Variants in SIGLECL1 observed in about 807,000 individuals in gnomAD.
SIGLECL1 encodes the protein SIGLEC family like 1.
In SIGLECL1, 16 loss-of-function variants were observed where a neutral mutation model predicts 19.1. That is an observed-to-expected ratio of 0.84 (90% CI 0.57 to 1.27). The LOEUF is 1.27. SIGLECL1 is among the 50% of genes most tolerant of loss of function. The pLI is 0.00. For missense variants in SIGLECL1, 210 were observed against 239.4 expected (o/e 0.88, Z 0.81); for synonymous variants, 89 against 90.4 (o/e 0.98, Z 0.09).
At chr19:51,263,269 T>C (rs1459174919) in intron 1 of SIGLECL1, among the ~76,000 whole-genome samples, 2 of 152,220 alleles carry the variant, frequency 1.3e-5, no homozygotes, top group Non-Finnish European at 2.9e-5. Context: ...GGGAACATTG[T>C]GCCATGCTAT....
At chr19:51,254,273 T>G (rs569953206) in intron 1 of SIGLECL1, among the ~76,000 whole-genome samples, 74 of 150,790 alleles carry the variant, frequency 4.9e-4, no homozygotes, top group African/African-American at 1.7e-3. Flanking sequence ...AGGCTGTAGA[T>G]AGCTGTGATT....
intron 4 of SIGLECL1, 91 bp downstream of exon 4, chr19:51,265,973 C>T (rs1324005912): frequency 3.1e-6 from 4 of 1,306,644 alleles, no homozygotes; most frequent in Non-Finnish European, 4.4e-6. Context: ...GACAGGACCC[C>T]TCCCCTCAAG....
At chr19:51,255,917 AG>A (rs1265905122) in intron 1 of SIGLECL1, 5 of 152,220 alleles carry the variant, frequency 3.3e-5, no homozygotes, top group Non-Finnish European at 7.3e-5. Context: ...CATATGATTC[AG>A]GAATCCCACT....
At position 51,263,836 on chromosome 19, in the gene SIGLECL1, G is replaced by A. The variant is rs975237406; in HGVS notation, c.-190-47G>A. The A allele has an allele frequency of 6.3e-5, 29 of 457,420 alleles. No homozygotes were observed. In the East Asian group the frequency reaches 7.7e-4, roughly 12 times the overall value. The allele number at this position is 457,420 out of a possible 1,614,324, so 28.3% of individuals were successfully genotyped here. On this transcript the variant is annotated intron_variant, in intron 1 of 5. Transcript: ENST00000601727. The stretch of plus-strand genomic sequence containing the variant: ...GACAATCTTAGTTGCCTCCCTGTCC[G>A]TACGTGCTCATGAGCCTCTCATCCC...
Position 51,265,855 on chromosome 19 carries a change from T to G in SIGLECL1, c.383T>G (p.Leu128Arg). Reference protein sequence around the residue: ...GAIYAGIVIALLFLCLLPLIV... With the variant: ...GAIYAGIVIARLFLCLLPLIV... ...ATCTATGCGGGAATTGTAATTGCGC[T>G]GCTCTTCCTCTGCCTCCTCCCTCTC... Residue 128 changes from leucine (L) to arginine (R), a missense_variant, in exon 4 of 6, where the codon CTG becomes CGG. By Grantham distance (102) the Leu-to-Arg change is moderately radical (BLOSUM62 -2). Transcript: ENST00000601727. 1 of 1,614,180 alleles carries G rather than the reference T, an allele frequency of 6.2e-7. No homozygotes were observed. The highest frequency in any genetic ancestry group is 1.3e-5 in the African/African-American group (1 of 75,040).
chr19:51,261,455 A>AT (rs1047689979), intron 1 of SIGLECL1, among the ~76,000 whole-genome samples: 4 of 151,758 alleles, frequency 2.6e-5, no homozygotes, highest in African/African-American at 9.7e-5. Flanking sequence ...CACCCAGCTA[A>AT]TTTTTTGTAT....
rs1324267722 is a variant in SIGLECL1, at chr19:51,265,624, T to C, written c.279T>C (p.His93=). The C allele has an allele frequency of 6.2e-7, 1 of 1,613,998 alleles. No homozygotes were observed. The highest frequency in any genetic ancestry group is 2.2e-5 in the East Asian group (1 of 44,860). ...LCEGKNQNGT[H]ALSILLMSRK... Reference sequence around the variant, plus strand: ...AGGGGAAGAACCAAAACGGAACCCATGCTTTGAGCATCCTACTGATGTCAA... The same window carrying C: ...AGGGGAAGAACCAAAACGGAACCCACGCTTTGAGCATCCTACTGATGTCAA... The change falls in exon 3 of 6, where the codon CAT becomes CAC. Residue 93 remains histidine (H), a synonymous_variant. Coordinates refer to ENST00000601727, the MANE Select transcript of SIGLECL1 (RefSeq NM_001385465.1).
chr19:51,264,623 C>G lies in SIGLECL1; in HGVS notation c.22+529C>G, dbSNP rs145299608. Among the ~76,000 whole-genome samples, 328 of 152,290 alleles carry G rather than the reference C, an allele frequency of 2.2e-3. 1 individual carries two copies. Among genetic ancestry groups the G allele is most frequent in the African/African-American group, 7.4e-3 (306 of 41,560 alleles). ...TGTGTGTCAACACTGAAGACAGATT[C>G]CTCATTATTAGAGACCTTGATGAAT... On this transcript the variant is annotated intron_variant, in intron 2 of 5. Transcript: ENST00000601727.
chr19:51,253,388 A>AG lies in SIGLECL1; in HGVS notation c.-191+1843_-191+1844insG, dbSNP rs1555743933. 2.5e-3 allele frequency among the ~76,000 whole-genome samples: 375 copies of AG among 151,950 alleles called. 4 individuals are homozygous for AG. Among genetic ancestry groups the AG allele is most frequent in the African/African-American group, 8.6e-3 (354 of 41,328 alleles). ...TGACTTGAATTTAAAATTTAAAAAA[A>AG]AGAGAGAGAGAGAAGCTGGTTGTTT... is the stretch of plus-strand genomic sequence containing the variant. On this transcript the variant is annotated intron_variant, in intron 1 of 5. Coordinates refer to ENST00000601727, the MANE Select transcript of SIGLECL1 (RefSeq NM_001385465.1).
intron 1 of SIGLECL1, among the ~76,000 whole-genome samples, chr19:51,257,293 C>G (rs1033932392): frequency 6.6e-6 from 1 of 151,752 alleles, no homozygotes; most frequent in African/African-American, 2.4e-5. Context: ...GTAGTCCCAG[C>G]TACTTGGGAG....
intron 1 of SIGLECL1, chr19:51,256,032 C>T (rs964383511): frequency 6.6e-5 from 10 of 151,908 alleles, no homozygotes; most frequent in Non-Finnish European, 1.2e-4. Flanking sequence ...GTGGAATCAA[C>T]GTAAGTGTCC....
upstream of SIGLECL1, among the ~76,000 whole-genome samples, chr19:51,249,120 G>A (rs1187427329): frequency 6.6e-6 from 1 of 152,098 alleles, no homozygotes; most frequent in East Asian, 1.9e-4. Flanking sequence ...ATGGCCTAGG[G>A]TCTGGGGACC....
intron 4 of SIGLECL1, among the ~76,000 whole-genome samples, chr19:51,266,416 G>A (rs1286798475): frequency 1.3e-5 from 2 of 151,490 alleles, no homozygotes; most frequent in Non-Finnish European, 1.5e-5. Context: ...TTCAGGCCAT[G>A]TGTATAAGGT....
intron 2 of SIGLECL1, among the ~76,000 whole-genome samples, chr19:51,264,591 G>A (rs1337055933): frequency 2.6e-5 from 4 of 152,138 alleles, no homozygotes; most frequent in Non-Finnish European, 4.4e-5. Context: ...AAACTTCAAC[G>A]AAAAAGTGTG....
upstream of SIGLECL1, among the ~76,000 whole-genome samples, chr19:51,249,300 G>A (rs1480097487): frequency 1.3e-5 from 2 of 152,084 alleles, no homozygotes; most frequent in Admixed American, 1.3e-4. Flanking sequence ...TAGAAGAGGG[G>A]CTGGCAGATG....
At chr19:51,248,297 G>A (rs1012693106), upstream of SIGLECL1, among the ~76,000 whole-genome samples, 2 of 152,148 alleles carry the variant, frequency 1.3e-5, no homozygotes, top group African/African-American at 4.8e-5. Context: ...CATTATACCC[G>A]ATCAAACCAA....
intron 1 of SIGLECL1, among the ~76,000 whole-genome samples, chr19:51,260,048 G>GA (rs1481752711): frequency 1.3e-5 from 2 of 152,196 alleles, no homozygotes; most frequent in African/African-American, 4.8e-5. Context: ...AGTGGCCAAT[G>GA]GCCTGGCCAT....
chr19:51,256,855 C>T (rs1982841890), intron 1 of SIGLECL1, among the ~76,000 whole-genome samples: 1 of 152,120 alleles, frequency 6.6e-6, no homozygotes, highest in African/African-American at 2.4e-5. Flanking sequence ...AATCTCATCT[C>T]TGATCACTGC....
chr19:51,258,996 C>T (rs1983008336), intron 1 of SIGLECL1, among the ~76,000 whole-genome samples: 1 of 152,102 alleles, frequency 6.6e-6, no homozygotes, highest in South Asian at 2.1e-4. Flanking sequence ...AACATGTGAT[C>T]TAATCAAGAT....
Sources: allele counts gnomAD v4.1 joint callset (sites outside exome capture counted in the v4.1 genomes callset), GRCh38; gene constraint gnomAD v4.1.1; transcripts MANE v1.5; gene names NCBI Gene and HGNC (gene_info 2026-07-23, HGNC 2026-07-21).